Variants in ZPLD1 observed in about 807,000 individuals in gnomAD.
The protein encoded by ZPLD1 is zona pellucida like domain containing 1, also known as zona pellucida-like domain-containing protein 1.
Under a neutral mutation model 47.2 loss-of-function variants are expected in ZPLD1, and 34 were observed. The ratio of observed to expected loss-of-function variants is 0.72; its 90% CI spans 0.55 to 0.96. The LOEUF (loss-of-function observed/expected upper bound fraction) is 0.96, where lower values mean the gene tolerates loss of function less well. ZPLD1 is among the 40% of genes least tolerant of loss of function. The pLI is 0.00. For synonymous variants in ZPLD1, 176 were observed against 186.2 expected (o/e 0.95, Z 0.45); for missense variants, 512 against 505.8 (o/e 1.01, Z -0.12).
intron 8 of ZPLD1, among the ~76,000 whole-genome samples, chr3:102,425,559 A>G (rs1185718617): frequency 1.3e-5 from 2 of 152,108 alleles, no homozygotes; most frequent in African/African-American, 2.4e-5. Flanking sequence ...AGAACAGCTT[A>G]CTTTGCCTAC....
At chr3:102,442,003 T>G (rs192874168) in intron 3 of ZPLD1, among the ~76,000 whole-genome samples, 2 of 152,258 alleles carry the variant, frequency 1.3e-5, no homozygotes, top group African/African-American at 4.8e-5. Flanking sequence ...CCATCTCCCT[T>G]GATGTTTACA....
intron 7 of ZPLD1, among the ~76,000 whole-genome samples, chr3:102,398,942 G>A (rs1208867707): frequency 6.6e-6 from 1 of 151,844 alleles, no homozygotes; most frequent in Non-Finnish European, 1.5e-5. Context: ...TTATATTCAT[G>A]CCCCACTTGT....
intron 3 of ZPLD1, among the ~76,000 whole-genome samples, chr3:102,443,583 C>G (rs1183429382): frequency 1.3e-5 from 2 of 152,086 alleles, no homozygotes; most frequent in South Asian, 2.1e-4. Context: ...TTTGTTTAGT[C>G]TTTTCAAGAC....
At chr3:102,392,102 CTT>C in intron 6 of ZPLD1, 1 of 152,202 alleles carries the variant, frequency 6.6e-6, no homozygotes, top group South Asian at 2.1e-4. Context: ...TAATCTGGCC[CTT>C]TACAGAAAAA....
At chr3:102,453,784 G>A (rs1707374286) in intron 4 of ZPLD1, among the ~76,000 whole-genome samples, 1 of 152,132 alleles carries the variant, frequency 6.6e-6, no homozygotes, top group African/African-American at 2.4e-5. Flanking sequence ...TTTCCACCCT[G>A]AATTAGAAAT....
chr3:102,458,604 C>A (rs1559758233), intron 6 of ZPLD1, among the ~76,000 whole-genome samples: 1 of 152,072 alleles, frequency 6.6e-6, no homozygotes, highest in Non-Finnish European at 1.5e-5. Context: ...ATTCATGCAA[C>A]TGATTTAAAA....
chr3:102,427,506 A>G (rs1348834365), intron 8 of ZPLD1, among the ~76,000 whole-genome samples: 1 of 152,194 alleles, frequency 6.6e-6, no homozygotes, highest in Non-Finnish European at 1.5e-5. Context: ...TGGAATAGTA[A>G]AGCCTACATT....
At chr3:102,418,727 G>T (rs1229894313) in intron 8 of ZPLD1, among the ~76,000 whole-genome samples, 3 of 151,968 alleles carry the variant, frequency 2.0e-5, no homozygotes, top group African/African-American at 7.2e-5. Context: ...CTAGATATGT[G>T]TGGCATCATC....
chr3:102,415,503 A>G (rs1446784930), intron 7 of ZPLD1, among the ~76,000 whole-genome samples: 2 of 151,872 alleles, frequency 1.3e-5, no homozygotes, highest in African/African-American at 4.8e-5. Context: ...AAACATTTGG[A>G]TGGATGCTAC....
chr3:102,469,164 T>C (rs748329015), intron 9 of ZPLD1, 29 bp downstream of exon 9: 18 of 1,594,574 alleles, frequency 1.1e-5, no homozygotes, highest in Non-Finnish European at 1.4e-5. Flanking sequence ...TCATTTTAAG[T>C]TGTTGAATTG....
At chr3:102,458,788 T>C (rs947414248) in intron 6 of ZPLD1, among the ~76,000 whole-genome samples, 2 of 152,182 alleles carry the variant, frequency 1.3e-5, no homozygotes, top group African/African-American at 4.8e-5. Flanking sequence ...CTAAACTTTC[T>C]TCTGCAAAGA....
At chr3:102,418,972 AC>A in intron 8 of ZPLD1, among the ~76,000 whole-genome samples, 1 of 151,990 alleles carries the variant, frequency 6.6e-6, no homozygotes, top group Non-Finnish European at 1.5e-5. Flanking sequence ...GAAGCCAGTT[AC>A]TTTTTGGTGT....
intron 10 of ZPLD1, among the ~76,000 whole-genome samples, chr3:102,475,981 G>A (rs1221673632): frequency 6.6e-6 from 1 of 152,104 alleles, no homozygotes; most frequent in East Asian, 1.9e-4. Flanking sequence ...TTTAGAAAAA[G>A]GCCTCTGAAA....
chr3:102,390,235 A>G (rs1706479892), intron 6 of ZPLD1, among the ~76,000 whole-genome samples: 1 of 152,282 alleles, frequency 6.6e-6, no homozygotes, highest in African/African-American at 2.4e-5. Flanking sequence ...TAACAAATAA[A>G]CACACAGCGT....
chr3:102,477,575 C>T lies in ZPLD1; in HGVS notation c.1205C>T (p.Thr402Ile). Residue 402 changes from threonine (T) to isoleucine (I), a missense_variant, in exon 12 of 12, where the codon ACA becomes ATA. Physicochemically the swap from Thr to Ile is moderately conservative, Grantham distance 89 (BLOSUM62 -1). Coordinates refer to ENST00000466937, the MANE Select transcript of ZPLD1 (RefSeq NM_001329788.2). The stretch of plus-strand genomic sequence containing the variant: ...GCCCTTCTGCACAGGAAGGGACCCA[C>T]AAGTTTAGTGTTGAATGGCATAAGA... ...SLALLHRKGPTSLVLNGIRNP... is the reference protein window; with the variant it reads ...SLALLHRKGPISLVLNGIRNP... 17 of 1,613,580 alleles carry T rather than the reference C, an allele frequency of 1.1e-5. No individual in the cohort carries two copies. Among genetic ancestry groups the T allele is most frequent in the Non-Finnish European group, 1.4e-5 (16 of 1,179,678 alleles).
At chr3:102,418,336 G>C (rs937957608) in intron 8 of ZPLD1, 1 of 152,030 alleles carries the variant, frequency 6.6e-6, no homozygotes, top group African/African-American at 2.4e-5. Flanking sequence ...CAAAACTCCT[G>C]TAGTTGTTGT....
chr3:102,401,586 T>C (rs1348375731), intron 7 of ZPLD1, among the ~76,000 whole-genome samples: 2 of 152,108 alleles, frequency 1.3e-5, no homozygotes, highest in African/African-American at 4.8e-5. Flanking sequence ...CACTGTCTAA[T>C]GTTCTTTGAA....
intron 10 of ZPLD1, among the ~76,000 whole-genome samples, chr3:102,473,109 A>C (rs1159313079): frequency 6.6e-6 from 1 of 152,166 alleles, no homozygotes; most frequent in Non-Finnish European, 1.5e-5. Flanking sequence ...ACAGCATGGG[A>C]AAAAAACCCA....
At chr3:102,442,560 T>C (rs1707197216) in intron 3 of ZPLD1, among the ~76,000 whole-genome samples, 1 of 152,108 alleles carries the variant, frequency 6.6e-6, no homozygotes. Flanking sequence ...ATTAATTGCT[T>C]ACTGCCCTCT....
Sources: gnomAD v4.1 joint callset for allele counts (sites outside exome capture counted in the v4.1 genomes callset) on GRCh38, gnomAD v4.1.1 for gene constraint, MANE v1.5 for transcripts, NCBI Gene and HGNC (gene_info 2026-07-23, HGNC 2026-07-21) for gene names.